APBA1: variants seen among roughly 807,000 people sequenced by gnomAD.
APBA1 encodes amyloid beta precursor protein binding family A member 1.
Under a neutral mutation model 86.6 loss-of-function variants are expected in APBA1, and 55 were observed. That is an observed-to-expected ratio of 0.64 (90% CI 0.51 to 0.80). APBA1 has a LOEUF of 0.80. Among genes scored for constraint, APBA1 ranks in the 30% least tolerant of loss-of-function variants. The probability of loss-of-function intolerance (pLI) is 0.00; values close to 1 mark genes in which losing one functional copy is unlikely to be tolerated. For missense variants in APBA1, 1,090 were observed against 1,183.0 expected, an observed-to-expected ratio of 0.92 and a Z score of 1.15; for synonymous variants, 511 against 493.9, an observed-to-expected ratio of 1.03 and a Z score of -0.46.
intron 1 of APBA1, among the ~76,000 whole-genome samples, chr9:69,588,700 G>A (rs1407992759): frequency 6.6e-6 from 1 of 152,142 alleles, no homozygotes; most frequent in African/African-American, 2.4e-5. Context: ...TGATGATCAC[G>A]ATTATGGCAA....
At chr9:69,466,887 A>ACAGTTTCAACAG (rs1835288725) in intron 5 of APBA1, among the ~76,000 whole-genome samples, 1 of 152,226 alleles carries the variant, frequency 6.6e-6, no homozygotes, top group Non-Finnish European at 1.5e-5. Flanking sequence ...GAAACTGGAT[A>ACAGTTTCAACAG]AAACAGACTC....
chr9:69,621,024 G>T (rs1028958063), intron 1 of APBA1, among the ~76,000 whole-genome samples: 3 of 152,192 alleles, frequency 2.0e-5, no homozygotes, highest in Non-Finnish European at 4.4e-5. Flanking sequence ...ACTGTAGCAT[G>T]GTGGGCAAGT....
At chr9:69,474,647 G>T (rs547643817) in intron 3 of APBA1, among the ~76,000 whole-genome samples, 1 of 152,274 alleles carries the variant, frequency 6.6e-6, no homozygotes, top group African/African-American at 2.4e-5. Context: ...TGCTCCCAAT[G>T]GCCAAGTGTC....
intron 1 of APBA1, among the ~76,000 whole-genome samples, chr9:69,619,707 A>T (rs1280781765): frequency 6.6e-6 from 1 of 152,240 alleles, no homozygotes; most frequent in African/African-American, 2.4e-5. Flanking sequence ...CTTAAACAAT[A>T]AAACCTGCCT....
chr9:69,441,871 G>T (rs534882619), intron 10 of APBA1, among the ~76,000 whole-genome samples: 15 of 152,318 alleles, frequency 9.8e-5, no homozygotes, highest in Middle Eastern at 6.8e-3. Flanking sequence ...CTATAAAAAG[G>T]AACTAGTTTC....
intron 1 of APBA1, among the ~76,000 whole-genome samples, chr9:69,605,350 T>C (rs1291008052): frequency 6.6e-6 from 1 of 152,184 alleles, no homozygotes; most frequent in Non-Finnish European, 1.5e-5. Flanking sequence ...TGTTTCAAGC[T>C]CTTATACAGC....
chr9:69,467,954 C>T lies in APBA1; in HGVS notation c.1351G>A (p.Asp451Asn), dbSNP rs776584086. The change falls in exon 5 of 13, where the codon GAC (aspartate) becomes AAC (asparagine). Residue 451 changes from aspartate to asparagine, a missense_variant. Coordinates refer to ENST00000265381, the MANE Select transcript of APBA1 (RefSeq NM_001163.4). ...PTYVEVPGPC[D>N]PEDLIDGIIF... ...ATTCCATCGATCAAGTCTTCGGGGT[C>T]GCAGGGTCCCGGAACTGTAACACAT... is the stretch of plus-strand genomic sequence containing the variant. The T allele has an allele frequency of 1.2e-5, 19 of 1,613,938 alleles. No homozygotes were observed. Among genetic ancestry groups the T allele is most frequent in the East Asian group, 6.7e-5 (3 of 44,884 alleles).
chr9:69,562,676 G>C lies in APBA1; in HGVS notation c.-69-45397C>G, dbSNP rs114310376. On this transcript the variant is annotated intron_variant, in intron 1 of 12. Transcript: ENST00000265381. The stretch of plus-strand genomic sequence containing the variant: ...AGACGTGAGCCACTGTACCCGGCCT[G>C]TATTTCTGCTTTAATCAATATTTTT... Among the ~76,000 whole-genome samples the C allele has an allele frequency of 8.5e-3, 1,293 of 152,050 alleles. 19 individuals are homozygous for C. Among genetic ancestry groups the C allele is most frequent in the African/African-American group, 0.029 (1,219 of 41,464 alleles).
intron 1 of APBA1, among the ~76,000 whole-genome samples, chr9:69,626,569 T>C (rs1265598634): frequency 6.6e-6 from 1 of 152,040 alleles, no homozygotes; most frequent in East Asian, 1.9e-4. Flanking sequence ...TAAACAAACA[T>C]CTCCTGAAAA....
In APBA1 at chr9:69,658,260, CTTTCTTTCTT is replaced by C. The variant is rs1258411765; in HGVS notation, c.-70+13883_-70+13892del. 7.2e-3 allele frequency among the ~76,000 whole-genome samples: 153 copies of C among 21,186 alleles called. 1 individual carries two copies. The highest frequency in any genetic ancestry group is 9.6e-3 in the African/African-American group (145 of 15,142). 13.9% of individuals were successfully genotyped at this position (21,186 alleles called of 152,430 possible). On this transcript the variant is annotated intron_variant, in intron 1 of 12. Coordinates refer to ENST00000265381, the MANE Select transcript of APBA1 (RefSeq NM_001163.4). ...TCTTTCTTTCTTTCTTTCTTTCTTT[CTTTCTTTCTT>C]TCTTTCTTTCTTTCTCTCTCTCTTT...
chr9:69,530,849 T>C (rs11139155), intron 1 of APBA1, among the ~76,000 whole-genome samples: 55,869 of 152,062 alleles, frequency 0.37, 12,022 homozygotes, highest in Non-Finnish European at 0.47. Flanking sequence ...CCAAAGTCTT[T>C]CTTCTCAGTC....
At chr9:69,488,014 G>A (rs920457121) in intron 2 of APBA1, among the ~76,000 whole-genome samples, 1 of 152,090 alleles carries the variant, frequency 6.6e-6, no homozygotes, top group Non-Finnish European at 1.5e-5. Flanking sequence ...TAGATGGATA[G>A]TAGAACTGCA....
intron 1 of APBA1, among the ~76,000 whole-genome samples, chr9:69,545,192 A>T (rs1021854294): frequency 4.6e-5 from 7 of 152,254 alleles, no homozygotes; most frequent in Middle Eastern, 3.2e-3. Flanking sequence ...ACTTAGCCAG[A>T]CTAAACAAAA....
In APBA1 at chr9:69,458,191, G is replaced by T; in HGVS notation, c.1483-3C>A. On this transcript the variant is annotated splice_region_variant and splice_polypyrimidine_tract_variant and intron_variant, in intron 5 of 12. Coordinates refer to ENST00000265381, the MANE Select transcript of APBA1 (RefSeq NM_001163.4). ...CTTTTGGCTAATTTCTGGGCCATCT[G>T]CTTAGCATGGAACAAACAGAGACAG... The T allele has an allele frequency of 3.7e-6, 6 of 1,610,512 alleles. No homozygotes were observed. Among genetic ancestry groups the T allele is most frequent in the Non-Finnish European group, 4.2e-6 (5 of 1,179,022 alleles).
chr9:69,657,001 G>A (rs1215354586), intron 1 of APBA1, among the ~76,000 whole-genome samples: 1 of 151,858 alleles, frequency 6.6e-6, no homozygotes, highest in African/African-American at 2.4e-5. Context: ...GCCCGCCACC[G>A]CGCCCGGCTA....
intron 1 of APBA1, among the ~76,000 whole-genome samples, chr9:69,666,498 C>T (rs1823842773): frequency 6.6e-6 from 1 of 151,954 alleles, no homozygotes; most frequent in Admixed American, 6.6e-5. Flanking sequence ...TTTTAATCTC[C>T]TTCCACTAAA....
rs556856526 is a variant in APBA1, at chr9:69,542,526, C to T, written c.-69-25247G>A. On this transcript the variant is annotated intron_variant, in intron 1 of 12. Transcript: ENST00000265381. Reference sequence around the variant, plus strand: ...ACAGTTTATTTATCCATTCACCTATCGAAGGACATCTTGGTTGCTTCAAAG... The same window carrying T: ...ACAGTTTATTTATCCATTCACCTATTGAAGGACATCTTGGTTGCTTCAAAG... Among the ~76,000 whole-genome samples the T allele has an allele frequency of 4.6e-5, 7 of 152,272 alleles. No individual in the cohort carries two copies. In the East Asian group the frequency reaches 5.8e-4, roughly 13 times the overall value.
At chr9:69,597,933 G>T (rs1356922049) in intron 1 of APBA1, among the ~76,000 whole-genome samples, 1 of 151,844 alleles carries the variant, frequency 6.6e-6, no homozygotes, top group African/African-American at 2.4e-5. Flanking sequence ...CCCATTACTG[G>T]GTATATACCC....
At chr9:69,485,856 C>T (rs1009891114) in intron 2 of APBA1, among the ~76,000 whole-genome samples, 2 of 152,120 alleles carry the variant, frequency 1.3e-5, no homozygotes, top group Admixed American at 1.3e-4. Flanking sequence ...TTCCTAAATC[C>T]CAGACAAGAA....
Sources: allele counts gnomAD v4.1 joint callset (sites outside exome capture counted in the v4.1 genomes callset), GRCh38; gene constraint gnomAD v4.1.1; transcripts MANE v1.5; gene names NCBI Gene and HGNC (gene_info 2026-07-23, HGNC 2026-07-21).